Variants in BASP1 observed in about 807,000 individuals in gnomAD.
The protein encoded by BASP1 is brain abundant membrane attached signal protein 1.
A neutral mutation model predicts 2.2 loss-of-function variants in BASP1; 1 was observed. That is an observed-to-expected ratio of 0.46 (90% CI 0.16 to 2.17). BASP1 has a LOEUF of 2.17. Ranked by LOEUF, BASP1 falls within the 30% of genes most tolerant of loss-of-function variation. BASP1 has a pLI of 0.27. For synonymous variants in BASP1, 187 were observed against 154.2 expected, an observed-to-expected ratio of 1.21 and a Z score of -1.58; for missense variants, 352 against 327.2, an observed-to-expected ratio of 1.08 and a Z score of -0.58.
chr5:17,251,436 C>T lies in BASP1; in HGVS notation c.-9-23772C>T, dbSNP rs983233797. Among the ~76,000 whole-genome samples the T allele has an allele frequency of 6.6e-6, 1 of 152,156 alleles. No homozygotes were observed. Among genetic ancestry groups the T allele is most frequent in the Non-Finnish European group, 1.5e-5 (1 of 68,030 alleles). On this transcript the variant is annotated intron_variant, in intron 1 of 1. Coordinates refer to ENST00000322611, the MANE Select transcript of BASP1 (RefSeq NM_006317.5). This position sits in a 1 kb window ranked among gnomAD's most constrained non-coding sequence, Gnocchi z 4.0. The stretch of plus-strand genomic sequence containing the variant: ...AAAATGATTTTACATCAATACAAAA[C>T]CATTAAATATATGTTAAAAAGATTT...
chr5:17,222,129 G>C (rs1046649326), intron 1 of BASP1, among the ~76,000 whole-genome samples: 1 of 151,968 alleles, frequency 6.6e-6, no homozygotes, highest in South Asian at 2.1e-4. Flanking sequence ...AATGAAGCCC[G>C]GGGGACCCCA....
intron 1 of BASP1, among the ~76,000 whole-genome samples, chr5:17,237,388 T>G (rs1388312560): frequency 6.6e-6 from 1 of 152,106 alleles, no homozygotes; most frequent in African/African-American, 2.4e-5. Flanking sequence ...GATAAGGCTA[T>G]CTAATGAAGG....
intron 1 of BASP1, among the ~76,000 whole-genome samples, chr5:17,241,965 A>G (rs535463746): frequency 6.6e-6 from 1 of 152,220 alleles, no homozygotes; most frequent in Non-Finnish European, 1.5e-5. Flanking sequence ...ACTGAACTGC[A>G]CTGTGTCTCT....
At chr5:17,231,389 A>G (rs1471301380) in intron 1 of BASP1, among the ~76,000 whole-genome samples, 3 of 152,088 alleles carry the variant, frequency 2.0e-5, no homozygotes, top group African/African-American at 7.2e-5. Context: ...CTCCTGGATC[A>G]CTGCCCTAAT....
rs1385234278 is a variant in BASP1, at chr5:17,275,781, G to C, written c.565G>C (p.Ala189Pro). ...CCCCTCTTCCAAGGAGACCCCCGCA[G>C]CCACGGAAGCGCCTAGTTCCACACC... ...AAPSSKETPA[A>P]TEAPSSTPKA... Residue 189 changes from alanine to proline, a missense_variant, in exon 2 of 2, where the codon GCC becomes CCC. Coordinates refer to ENST00000322611, the MANE Select transcript of BASP1 (RefSeq NM_006317.5). The surrounding 1 kb of genome is among the most constrained non-coding windows in gnomAD (Gnocchi z 5.3). 6 of 1,613,256 alleles carry C rather than the reference G, an allele frequency of 3.7e-6. No homozygotes were observed. Among genetic ancestry groups the C allele is most frequent in the Non-Finnish European group, 5.1e-6 (6 of 1,179,808 alleles).
chr5:17,275,975 C>A lies in BASP1; in HGVS notation c.*75C>A, dbSNP rs1024261483. On this transcript the variant is annotated 3_prime_UTR_variant, in exon 2 of 2. Transcript: ENST00000322611. This position sits in a 1 kb window ranked among gnomAD's most constrained non-coding sequence, Gnocchi z 5.3. ...TCTCTCTCTCTCTCTCTCTCTATCT[C>A]TCTCTCTATCTCCTCTCTCTCTCTC... The A allele has an allele frequency of 8.7e-6, 11 of 1,262,034 alleles. No homozygotes were observed. Among genetic ancestry groups the A allele is most frequent in the African/African-American group, 4.6e-5 (3 of 64,580 alleles). The allele number at this position is 1,262,034 out of a possible 1,614,324, so 78.2% of individuals were successfully genotyped here. A position where few individuals can be genotyped will look rare whatever the true frequency, so the allele number is the denominator to read the frequency against.
At chr5:17,274,366 G>T (rs185339774) in intron 1 of BASP1, among the ~76,000 whole-genome samples, 10 of 152,230 alleles carry the variant, frequency 6.6e-5, no homozygotes, top group African/African-American at 1.9e-4. Context: ...TTTACCTTAC[G>T]TGTTTGAAGA....
At chr5:17,252,250 A>G (rs1038590384) in intron 1 of BASP1, among the ~76,000 whole-genome samples, 3 of 152,354 alleles carry the variant, frequency 2.0e-5, no homozygotes, top group Admixed American at 1.3e-4. Context: ...TTATGGAAAC[A>G]TCGCAAACAT....
At chr5:17,254,191 C>T (rs1389685685) in intron 1 of BASP1, among the ~76,000 whole-genome samples, 1 of 90,482 alleles carries the variant, frequency 1.1e-5, no homozygotes, top group Non-Finnish European at 2.1e-5. Flanking sequence ...AATTAATTTG[C>T]AAATAGTCAT....
At chr5:17,270,676 AC>A (rs1740513161) in intron 1 of BASP1, among the ~76,000 whole-genome samples, 1 of 152,152 alleles carries the variant, frequency 6.6e-6, no homozygotes, top group Non-Finnish European at 1.5e-5. Context: ...TGTGTGTGGA[AC>A]CTGTGTGCTA....
intron 1 of BASP1, among the ~76,000 whole-genome samples, chr5:17,222,413 G>A (rs1739408725): frequency 6.6e-6 from 1 of 152,194 alleles, no homozygotes; most frequent in African/African-American, 2.4e-5. Context: ...GCCTGCCAAA[G>A]GAAGGCTTTT....
chr5:17,221,434 C>T lies in BASP1; in HGVS notation c.-10+3624C>T, dbSNP rs970745854. 5.3e-5 allele frequency among the ~76,000 whole-genome samples: 8 copies of T among 150,480 alleles called. No homozygotes were observed. In the East Asian group the frequency reaches 1.6e-3, roughly 29 times the overall value. The stretch of plus-strand genomic sequence containing the variant: ...ACTATTATTTGTCAGAAGCAATTGC[C>T]CTTGGTATCTGATTCTGTTGAAAGA... On this transcript the variant is annotated intron_variant, in intron 1 of 1. Coordinates refer to ENST00000322611, the MANE Select transcript of BASP1 (RefSeq NM_006317.5).
chr5:17,232,705 C>T (rs946071776), intron 1 of BASP1, among the ~76,000 whole-genome samples: 5 of 152,050 alleles, frequency 3.3e-5, no homozygotes, highest in African/African-American at 7.2e-5. Context: ...CAAACATCAC[C>T]GTGGATTTTT....
At chr5:17,254,936 C>T (rs866662154) in intron 1 of BASP1, among the ~76,000 whole-genome samples, 8 of 152,298 alleles carry the variant, frequency 5.3e-5, no homozygotes, top group East Asian at 1.9e-4. Flanking sequence ...CTGAGACTGA[C>T]GGGTATCTTG....
intron 1 of BASP1, among the ~76,000 whole-genome samples, chr5:17,272,847 C>T (rs1360935213): frequency 6.6e-6 from 1 of 152,198 alleles, no homozygotes; most frequent in African/African-American, 2.4e-5. Flanking sequence ...GTCAGAAAAG[C>T]CAGTTTTAGT....
intron 1 of BASP1, among the ~76,000 whole-genome samples, chr5:17,268,712 C>T (rs926056932): frequency 5.3e-5 from 8 of 152,162 alleles, no homozygotes; most frequent in Admixed American, 5.2e-4. Flanking sequence ...TTGGAAAACT[C>T]GGTAGAGGAG....
chr5:17,276,291 C>A lies in BASP1; in HGVS notation c.*391C>A. 5.6e-6 allele frequency: 1 copy of A among 177,190 alleles called. No homozygotes were observed. The highest frequency in any genetic ancestry group is 1.3e-5 in the Non-Finnish European group (1 of 74,962). The allele number at this position is 177,190 out of a possible 1,614,324, so 11.0% of individuals were successfully genotyped here. Reference sequence around the variant, plus strand: ...TGAGAGTTGAATAGCTTTTCTTCTGCAATGGGAGTTGGGAGTGATGCGTTT... The same window carrying A: ...TGAGAGTTGAATAGCTTTTCTTCTGAAATGGGAGTTGGGAGTGATGCGTTT... On this transcript the variant is annotated 3_prime_UTR_variant, in exon 2 of 2. Coordinates refer to ENST00000322611, the MANE Select transcript of BASP1 (RefSeq NM_006317.5).
chr5:17,263,490 T>C (rs1417791027), intron 1 of BASP1, among the ~76,000 whole-genome samples: 1 of 152,214 alleles, frequency 6.6e-6, no homozygotes, highest in Non-Finnish European at 1.5e-5. Flanking sequence ...TAATGAACAT[T>C]GCTCACCTCA....
At chr5:17,270,573 T>C (rs546623306) in intron 1 of BASP1, among the ~76,000 whole-genome samples, 4 of 152,352 alleles carry the variant, frequency 2.6e-5, no homozygotes, top group Admixed American at 1.3e-4. Flanking sequence ...GGAACACATA[T>C]ACCAAACATC....
Sources: gnomAD v4.1 joint callset for allele counts (sites outside exome capture counted in the v4.1 genomes callset) on GRCh38, gnomAD v4.1.1 for gene constraint, Gnocchi (gnomAD v3.1) non-coding constraint, MANE v1.5 for transcripts, NCBI Gene and HGNC (gene_info 2026-07-23, HGNC 2026-07-21) for gene names.